Variants in NEK7 observed in about 807,000 individuals in gnomAD.
NEK7 encodes NIMA related kinase 7.
A neutral mutation model predicts 44.6 loss-of-function variants in NEK7; 18 were observed. The observed-to-expected ratio is 0.40, with a 90% CI of 0.28 to 0.60. The LOEUF (loss-of-function observed/expected upper bound fraction) is 0.60, where lower values mean the gene tolerates loss of function less well. NEK7 is among the 20% of genes least tolerant of loss of function. The pLI is 0.38. For synonymous variants in NEK7, 130 were observed against 121.1 expected (o/e 1.07, Z -0.48); for missense variants, 256 against 366.5 (o/e 0.70, Z 2.46).
chr1:198,206,349 T>C (rs1665597663), intron 1 of NEK7, among the ~76,000 whole-genome samples: 1 of 152,164 alleles, frequency 6.6e-6, no homozygotes, highest in African/African-American at 2.4e-5. Context: ...CGTTTTTGGG[T>C]CAGTGGTCCC....
At chr1:198,217,276 G>C (rs1409760827) in intron 1 of NEK7, among the ~76,000 whole-genome samples, 1 of 151,740 alleles carries the variant, frequency 6.6e-6, no homozygotes, top group Non-Finnish European at 1.5e-5. Context: ...TGGGTTGCAG[G>C]GATGGTTCAA....
intron 7 of NEK7, among the ~76,000 whole-genome samples, chr1:198,285,807 A>T (rs1367455385): frequency 2.6e-5 from 4 of 152,098 alleles, no homozygotes; most frequent in Admixed American, 2.0e-4. Flanking sequence ...CAGTTTTTTT[A>T]AAAATACTGC....
chr1:198,273,456 C>G (rs2102971291), intron 5 of NEK7, among the ~76,000 whole-genome samples: 1 of 151,798 alleles, frequency 6.6e-6, no homozygotes, highest in Non-Finnish European at 1.5e-5. Flanking sequence ...AAAAATCACA[C>G]TTAGAACTGT....
At chr1:198,187,632 C>G (rs1198034374) in intron 1 of NEK7, among the ~76,000 whole-genome samples, 1 of 152,184 alleles carries the variant, frequency 6.6e-6, no homozygotes, top group African/African-American at 2.4e-5. Flanking sequence ...GTCATGGTCA[C>G]AATGTCTGGA....
At chr1:198,292,812 C>CA (rs1654600860) in intron 7 of NEK7, 133 bp from the exon 8 acceptor site, 1 of 684,240 alleles carries the variant, frequency 1.5e-6, no homozygotes, top group Non-Finnish European at 2.6e-6. Flanking sequence ...TTAGTATTCT[C>CA]AAAAACAGCT....
intron 1 of NEK7, among the ~76,000 whole-genome samples, chr1:198,200,887 G>T (rs1389906269): frequency 1.3e-5 from 2 of 152,066 alleles, no homozygotes; most frequent in Admixed American, 6.6e-5. Context: ...TGTCTCCCTA[G>T]CACTGAGTCT....
chr1:198,193,667 A>G (rs1450687331), intron 1 of NEK7, among the ~76,000 whole-genome samples: 2 of 152,222 alleles, frequency 1.3e-5, no homozygotes, highest in Non-Finnish European at 2.9e-5. Flanking sequence ...ATGCAAATCA[A>G]TAAATGTAAC....
intron 1 of NEK7, among the ~76,000 whole-genome samples, chr1:198,170,724 A>G (rs1664411214): frequency 2.0e-5 from 3 of 152,186 alleles, no homozygotes; most frequent in Admixed American, 6.5e-5. Flanking sequence ...ATACCATGCT[A>G]AAATGATTGA....
At chr1:198,182,575 A>C (rs772443217) in intron 1 of NEK7, among the ~76,000 whole-genome samples, 1 of 152,158 alleles carries the variant, frequency 6.6e-6, no homozygotes, top group Non-Finnish European at 1.5e-5. Context: ...AAAAGTAATT[A>C]ATCTGGAAAA....
chr1:198,251,785 G>A (rs1017402395), intron 2 of NEK7, among the ~76,000 whole-genome samples: 11 of 151,706 alleles, frequency 7.3e-5, no homozygotes, highest in African/African-American at 2.7e-4. Flanking sequence ...TATTAGTCTT[G>A]CTAGCAGTCT....
At chr1:198,220,364 T>C (rs1666048413) in intron 1 of NEK7, among the ~76,000 whole-genome samples, 1 of 152,002 alleles carries the variant, frequency 6.6e-6, no homozygotes, top group African/African-American at 2.4e-5. Context: ...AAAGCCCTAA[T>C]TCCTTTAAAT....
intron 1 of NEK7, among the ~76,000 whole-genome samples, chr1:198,173,162 C>T (rs1019146810): frequency 1.3e-5 from 2 of 152,204 alleles, no homozygotes; most frequent in African/African-American, 4.8e-5. Flanking sequence ...GATGTGGTGG[C>T]TCATGTCTAT....
At chr1:198,248,148 C>T (rs1666887714) in intron 2 of NEK7, among the ~76,000 whole-genome samples, 1 of 152,108 alleles carries the variant, frequency 6.6e-6, no homozygotes. Flanking sequence ...AAGGCTCAGG[C>T]ATGCCTAGCC....
chr1:198,257,972 AT>A (rs1236047783), intron 3 of NEK7, among the ~76,000 whole-genome samples: 2 of 152,236 alleles, frequency 1.3e-5, no homozygotes, highest in Non-Finnish European at 2.9e-5. Flanking sequence ...ATAGCAAAAA[AT>A]AAATCAAATA....
At chr1:198,306,465 T>C (rs766726222) in intron 9 of NEK7, among the ~76,000 whole-genome samples, 2 of 152,152 alleles carry the variant, frequency 1.3e-5, no homozygotes, top group Non-Finnish European at 2.9e-5. Flanking sequence ...AAAAATGGGT[T>C]TTTCTCTTCT....
chr1:198,261,268 T>C (rs1391418067), intron 3 of NEK7, among the ~76,000 whole-genome samples: 2 of 152,052 alleles, frequency 1.3e-5, no homozygotes, highest in African/African-American at 2.4e-5. Context: ...GCCTGGCTCA[T>C]TGAGAAAACA....
At chr1:198,179,165 C>A (rs963198747) in intron 1 of NEK7, among the ~76,000 whole-genome samples, 8 of 151,920 alleles carry the variant, frequency 5.3e-5, no homozygotes, top group Admixed American at 1.3e-4. Flanking sequence ...TTTACATTTT[C>A]TGTTGCCAAT....
At chr1:198,192,693 C>T (rs1665114689) in intron 1 of NEK7, among the ~76,000 whole-genome samples, 3 of 152,126 alleles carry the variant, frequency 2.0e-5, no homozygotes, top group African/African-American at 7.2e-5. Context: ...GGAAATTGAA[C>T]AGCCTGCTCC....
chr1:198,313,572 TGGTACCG>T (rs1408051456), intron 9 of NEK7, among the ~76,000 whole-genome samples: 2 of 137,026 alleles, frequency 1.5e-5, no homozygotes, highest in African/African-American at 5.9e-5. Flanking sequence ...TTGCAGTGGC[TGGTACCG>T]GTTGTTCCTT....
Sources: gnomAD v4.1 joint callset for allele counts (sites outside exome capture counted in the v4.1 genomes callset) on GRCh38, gnomAD v4.1.1 for gene constraint, MANE v1.5 for transcripts, NCBI Gene and HGNC (gene_info 2026-07-23, HGNC 2026-07-21) for gene names.